Variants in OPCML observed in about 807,000 individuals in gnomAD.
The protein encoded by OPCML is opioid binding protein/cell adhesion molecule like, also known as opioid-binding protein/cell adhesion molecule.
A neutral mutation model predicts 37.8 loss-of-function variants in OPCML; 13 were observed. That is an observed-to-expected ratio of 0.34 (90% CI 0.22 to 0.55). The LOEUF is 0.55. Among genes scored for constraint, OPCML ranks in the 20% least tolerant of loss-of-function variants. OPCML has a pLI of 0.91. For missense variants in OPCML, 341 were observed against 435.6 expected, an observed-to-expected ratio of 0.78 and a Z score of 1.93; for synonymous variants, 176 against 168.8, an observed-to-expected ratio of 1.04 and a Z score of -0.33.
intron 2 of OPCML, among the ~76,000 whole-genome samples, chr11:132,896,917 C>T (rs564590618): frequency 6.6e-6 from 1 of 152,310 alleles, no homozygotes; most frequent in South Asian, 2.1e-4. Context: ...GTATCTGGCT[C>T]GTCCTACAAC....
intron 4 of OPCML, among the ~76,000 whole-genome samples, chr11:132,466,264 T>C (rs1211139699): frequency 6.8e-6 from 1 of 147,800 alleles, no homozygotes. Context: ...GGCGGGCGGA[T>C]CACGAGGTCA....
At chr11:132,665,183 C>A (rs1447895934) in intron 2 of OPCML, among the ~76,000 whole-genome samples, 1 of 152,132 alleles carries the variant, frequency 6.6e-6, no homozygotes, top group East Asian at 1.9e-4. Flanking sequence ...AACATGAGGA[C>A]ATAGAGTAGT....
At chr11:132,895,043 C>T (rs1466018333) in intron 2 of OPCML, among the ~76,000 whole-genome samples, 1 of 152,160 alleles carries the variant, frequency 6.6e-6, no homozygotes, top group Non-Finnish European at 1.5e-5. Context: ...TTAGTACCAA[C>T]AGTGGTTCTA....
chr11:132,647,781 T>C (rs1455670393), intron 3 of OPCML, among the ~76,000 whole-genome samples: 3 of 152,308 alleles, frequency 2.0e-5, no homozygotes, highest in East Asian at 1.9e-4. Context: ...CAGACTCATA[T>C]GGTTCAAGGG....
At chr11:132,663,305 G>A (rs758849229) in intron 2 of OPCML, among the ~76,000 whole-genome samples, 24 of 152,196 alleles carry the variant, frequency 1.6e-4, no homozygotes, top group Non-Finnish European at 3.5e-4. Flanking sequence ...TTTTCAAATG[G>A]GCATCAAAAG....
At chr11:132,618,677 T>C in intron 3 of OPCML, among the ~76,000 whole-genome samples, 1 of 152,302 alleles carries the variant, frequency 6.6e-6, no homozygotes. Context: ...TAGTAAAATA[T>C]ACATAATATA....
chr11:132,507,635 G>A (rs1369016348), intron 4 of OPCML, among the ~76,000 whole-genome samples: 22 of 151,518 alleles, frequency 1.5e-4, no homozygotes, highest in South Asian at 1.3e-3. Context: ...TCACAAACTA[G>A]GTTTGAACCT....
chr11:132,921,335 C>T (rs1944794240), intron 2 of OPCML, among the ~76,000 whole-genome samples: 1 of 151,680 alleles, frequency 6.6e-6, no homozygotes, highest in South Asian at 2.1e-4. Context: ...CCCTTTATTG[C>T]ACGTGTGTTA....
chr11:133,130,445 G>C (rs1454708983), intron 1 of OPCML, among the ~76,000 whole-genome samples: 4 of 151,962 alleles, frequency 2.6e-5, no homozygotes, highest in African/African-American at 7.2e-5. Flanking sequence ...GAAATACTTA[G>C]ATATAAATCT....
In OPCML at chr11:133,094,294, C is replaced by T. The variant is rs546344015; in HGVS notation, c.62-151284G>A. 7.2e-5 allele frequency among the ~76,000 whole-genome samples: 11 copies of T among 152,274 alleles called. No homozygotes were observed. The East Asian group carries it at 1.3e-3, about 19-fold the overall frequency. On this transcript the variant is annotated intron_variant, in intron 1 of 7. Coordinates refer to ENST00000524381, the MANE Select transcript of OPCML (RefSeq NM_001012393.5). ...AACACTAACTGCATTTGGCTAAAGT[C>T]GGGTTGCTTAAAGGCCAAATTTACC...
At chr11:133,354,440 G>A (rs898708956) in intron 1 of OPCML, among the ~76,000 whole-genome samples, 1 of 151,988 alleles carries the variant, frequency 6.6e-6, no homozygotes, top group African/African-American at 2.4e-5. Context: ...ACCCTATAAA[G>A]GAGATATTAT....
chr11:133,356,693 T>G (rs972155579), intron 1 of OPCML, among the ~76,000 whole-genome samples: 4 of 152,190 alleles, frequency 2.6e-5, no homozygotes, highest in African/African-American at 4.8e-5. Context: ...TAGCTTTAAT[T>G]AAAGTCATGG....
At chr11:132,908,824 T>C (rs1030997775) in intron 2 of OPCML, among the ~76,000 whole-genome samples, 1 of 152,242 alleles carries the variant, frequency 6.6e-6, no homozygotes, top group African/African-American at 2.4e-5. Context: ...CTACTTGGGC[T>C]TTCTAAACAT....
At chr11:133,147,568 C>T (rs67296539) in intron 1 of OPCML, among the ~76,000 whole-genome samples, 20,287 of 152,084 alleles carry the variant, frequency 0.13, 2,660 homozygotes, top group African/African-American at 0.34. Context: ...GATAAGAATG[C>T]TTACCTGGGA....
intron 1 of OPCML, among the ~76,000 whole-genome samples, chr11:132,977,577 C>A (rs1334067854): frequency 6.6e-6 from 1 of 152,122 alleles, no homozygotes; most frequent in Non-Finnish European, 1.5e-5. Context: ...CTTATAAATA[C>A]ACTTTGGCAG....
intron 1 of OPCML, among the ~76,000 whole-genome samples, chr11:133,112,039 C>T (rs985046772): frequency 2.0e-5 from 3 of 152,042 alleles, no homozygotes; most frequent in Non-Finnish European, 4.4e-5. Flanking sequence ...TCCACCTTCA[C>T]GCTGGTTCTT....
intron 3 of OPCML, among the ~76,000 whole-genome samples, chr11:132,644,235 GGTGTGGTGGCAGGCACC>G (rs1307529155): frequency 6.6e-6 from 1 of 151,832 alleles, no homozygotes; most frequent in East Asian, 1.9e-4. Context: ...AAAATAGCTG[GGTGTGGTGGCAGGCACC>G]ACCACGATTT....
chr11:133,140,689 G>A (rs201259746), intron 1 of OPCML, among the ~76,000 whole-genome samples: 5 of 42,884 alleles, frequency 1.2e-4, no homozygotes, highest in East Asian at 1.9e-3. Flanking sequence ...AAGAAAGATG[G>A]AAGACGGAAG....
intron 2 of OPCML, among the ~76,000 whole-genome samples, chr11:132,870,096 G>A (rs545164727): frequency 4.6e-5 from 7 of 151,884 alleles, no homozygotes; most frequent in Non-Finnish European, 7.4e-5. Context: ...CCTCATTTCC[G>A]CAACTACATA....
Sources: gnomAD v4.1 joint callset for allele counts (sites outside exome capture counted in the v4.1 genomes callset) on GRCh38, gnomAD v4.1.1 for gene constraint, MANE v1.5 for transcripts, NCBI Gene and HGNC (gene_info 2026-07-23, HGNC 2026-07-21) for gene names.